The following CSTF3 variants were observed in gnomAD, a reference collection of about 807,000 sequenced individuals.
CSTF3 encodes cleavage stimulation factor subunit 3, also known as CF-1 77 kDa subunit.
Under a neutral mutation model 105.8 loss-of-function variants are expected in CSTF3, and 29 were observed. The ratio of observed to expected loss-of-function variants is 0.27; its 90% CI spans 0.20 to 0.37. CSTF3 has a LOEUF of 0.37. Among genes scored for constraint, CSTF3 ranks in the 10% least tolerant of loss-of-function variants. The pLI is 1.00. For synonymous variants in CSTF3, 252 were observed against 281.9 expected, an observed-to-expected ratio of 0.89 and a Z score of 1.06; for missense variants, 357 against 879.3, an observed-to-expected ratio of 0.41 and a Z score of 7.51.
chr11:33,144,129 C>T lies in CSTF3; in HGVS notation c.28-2143G>A, dbSNP rs535243896. On this transcript the variant is annotated intron_variant, in intron 1 of 20. Coordinates refer to ENST00000323959, the MANE Select transcript of CSTF3 (RefSeq NM_001326.3). ...TATCACTTTTCTCCCCCACCACTCC[C>T]CCTTTTTTTTAGTGGAATTAGTATT... Among the ~76,000 whole-genome samples, 367 of 98,992 alleles carry T rather than the reference C, an allele frequency of 3.7e-3. 1 individual carries two copies. The highest frequency in any genetic ancestry group is 9.0e-3 in the African/African-American group (345 of 38,344). The allele number at this position is 98,992 out of a possible 152,430, so 64.9% of individuals were successfully genotyped here.
At chr11:33,108,039 T>C in intron 4 of CSTF3, 39 bp from the exon 5 acceptor site, 4 of 1,304,362 alleles carry the variant, frequency 3.1e-6, no homozygotes, top group Non-Finnish European at 4.3e-6. Context: ...TCCAGTTAAA[T>C]AAATTTCACA....
At chr11:33,120,233 T>C (rs1855473034) in intron 3 of CSTF3, among the ~76,000 whole-genome samples, 1 of 151,554 alleles carries the variant, frequency 6.6e-6, no homozygotes, top group South Asian at 2.1e-4. Context: ...TTAAAAGCGA[T>C]TTTATAGACT....
At chr11:33,110,766 T>G (rs1307772815) in intron 3 of CSTF3, among the ~76,000 whole-genome samples, 3 of 152,112 alleles carry the variant, frequency 2.0e-5, no homozygotes, top group Non-Finnish European at 4.4e-5. Flanking sequence ...GGCAAAAACT[T>G]ACAAAGGTAT....
At chr11:33,150,552 G>A (rs1565020516) in intron 1 of CSTF3, among the ~76,000 whole-genome samples, 1 of 152,062 alleles carries the variant, frequency 6.6e-6, no homozygotes, top group Non-Finnish European at 1.5e-5. Flanking sequence ...ATGTACAACT[G>A]GCTAAAAGAA....
rs1200079287 is a variant in CSTF3, at chr11:33,161,332, A to AG, written c.-8dup. 1.2e-6 allele frequency: 2 copies of AG among 1,612,818 alleles called. No homozygotes were observed. Among genetic ancestry groups the AG allele is most frequent in the African/African-American group, 1.3e-5 (1 of 75,030 alleles). On this transcript the variant is annotated 5_prime_UTR_variant, in exon 1 of 21. Coordinates refer to ENST00000323959, the MANE Select transcript of CSTF3 (RefSeq NM_001326.3). ...TGGCTCCGTCTCCTGACATGGCCTC[A>AG]GCTGATTACAACGTGCGCACTGACC...
intron 8 of CSTF3, among the ~76,000 whole-genome samples, chr11:33,104,826 A>G (rs538236716): frequency 3.9e-5 from 6 of 152,224 alleles, no homozygotes; most frequent in African/African-American, 1.4e-4. Context: ...CAAAAACCAT[A>G]AAGTTTGAAA....
chr11:33,145,177 A>G (rs1855766049), intron 1 of CSTF3, among the ~76,000 whole-genome samples: 1 of 152,168 alleles, frequency 6.6e-6, no homozygotes, highest in Admixed American at 6.5e-5. Flanking sequence ...TCAACCTGCA[A>G]TCTCAGCACT....
intron 3 of CSTF3, among the ~76,000 whole-genome samples, chr11:33,139,668 A>T (rs190321101): frequency 9.7e-4 from 147 of 152,044 alleles, no homozygotes; most frequent in African/African-American, 3.5e-3. Flanking sequence ...TAAACCAAAA[A>T]TATAAATTTT....
intron 15 of CSTF3, among the ~76,000 whole-genome samples, chr11:33,095,151 C>T (rs985015704): frequency 2.6e-5 from 4 of 152,184 alleles, no homozygotes; most frequent in African/African-American, 4.8e-5. Context: ...CTGCCTGCCT[C>T]GGCTTCCCAA....
chr11:33,100,950 C>T (rs1855275152), intron 10 of CSTF3, among the ~76,000 whole-genome samples: 1 of 152,118 alleles, frequency 6.6e-6, no homozygotes. Flanking sequence ...ATCAGACCAA[C>T]CCTCAGCAAG....
chr11:33,142,532 A>G (rs1855725626), intron 1 of CSTF3, among the ~76,000 whole-genome samples: 2 of 152,174 alleles, frequency 1.3e-5, no homozygotes. Context: ...GTGATCAAGT[A>G]TTTTTTATTC....
intron 15 of CSTF3, among the ~76,000 whole-genome samples, chr11:33,095,875 C>G (rs1378868493): frequency 6.6e-6 from 1 of 151,854 alleles, no homozygotes; most frequent in Admixed American, 6.6e-5. Flanking sequence ...CAAAATGTTT[C>G]TTTTTGAATC....
Position 33,090,567 on chromosome 11 carries a change from A to T in CSTF3, c.1606T>A (p.Cys536Ser). The change falls in exon 17 of 21, where the codon TGC becomes AGC. Residue 536 changes from cysteine to serine, a missense_variant. Transcript: ENST00000323959. ...AGTGCTTTTAATTCACTTGCAGAGCAAGGATATAAATCCATGAACTTGTAT... is the reference window on the plus strand; with the variant it reads ...AGTGCTTTTAATTCACTTGCAGAGCTAGGATATAAATCCATGAACTTGTAT... ...DRYKFMDLYP[C>S]SASELKALGY... 1 of 1,603,112 alleles carries T rather than the reference A, an allele frequency of 6.2e-7. No homozygotes were observed. The highest frequency in any genetic ancestry group is 1.1e-5 in the South Asian group (1 of 88,656).
chr11:33,115,999 C>T (rs1432271251), intron 3 of CSTF3, among the ~76,000 whole-genome samples: 1 of 152,198 alleles, frequency 6.6e-6, no homozygotes, highest in Non-Finnish European at 1.5e-5. Flanking sequence ...ACAACCTCTA[C>T]ATGTCCTATA....
At chr11:33,159,168 C>T (rs1363805110) in intron 1 of CSTF3, among the ~76,000 whole-genome samples, 2 of 152,128 alleles carry the variant, frequency 1.3e-5, no homozygotes, top group African/African-American at 4.8e-5. Flanking sequence ...AATAAACATG[C>T]GTGGACCAGG....
intron 3 of CSTF3, among the ~76,000 whole-genome samples, chr11:33,118,300 C>G (rs1565009855): frequency 6.6e-6 from 1 of 151,790 alleles, no homozygotes; most frequent in South Asian, 2.1e-4. Context: ...TCAAGAATCT[C>G]AAAGGTAAAA....
Position 33,085,655 on chromosome 11 carries a change from A to C in CSTF3, c.1951+58T>G, listed in dbSNP as rs916511767. 127 of 1,404,396 alleles carry C rather than the reference A, an allele frequency of 9.0e-5. No individual in the cohort carries two copies. The East Asian group carries it at 2.8e-3, about 31-fold the overall frequency. The allele number at this position is 1,404,396 out of a possible 1,614,324, so 87.0% of individuals were successfully genotyped here. A position where few individuals can be genotyped will look rare whatever the true frequency, so the allele number is the denominator to read the frequency against. On this transcript the variant is annotated intron_variant, in intron 20 of 20. Coordinates refer to ENST00000323959, the MANE Select transcript of CSTF3 (RefSeq NM_001326.3). ...TCAGTGGCAGAGAATAATAATCTCT[A>C]CTGCCTATGAGACAACAACGTGGAA...
intron 3 of CSTF3, among the ~76,000 whole-genome samples, chr11:33,131,618 A>G (rs926081773): frequency 5.3e-5 from 8 of 152,066 alleles, no homozygotes; most frequent in African/African-American, 1.7e-4. Flanking sequence ...AGGCCGAGGC[A>G]GGCGGATCAC....
intron 3 of CSTF3, among the ~76,000 whole-genome samples, chr11:33,133,951 T>C (rs908542274): frequency 5.3e-5 from 8 of 152,196 alleles, no homozygotes; most frequent in African/African-American, 1.7e-4. Context: ...AGACTGCAGA[T>C]TATTCTACTA....
Sources: allele counts gnomAD v4.1 joint callset (sites outside exome capture counted in the v4.1 genomes callset), GRCh38; gene constraint gnomAD v4.1.1; transcripts MANE v1.5; gene names NCBI Gene and HGNC (gene_info 2026-07-23, HGNC 2026-07-21).